PROX1: variants seen among roughly 807,000 people sequenced by gnomAD.
PROX1 encodes the protein prospero homeobox 1.
A neutral mutation model predicts 58.8 loss-of-function variants in PROX1; 7 were observed. The ratio of observed to expected loss-of-function variants is 0.12; its 90% CI spans 0.07 to 0.22. The LOEUF (loss-of-function observed/expected upper bound fraction) is 0.22, where lower values mean the gene tolerates loss of function less well. PROX1 is among the 10% of genes least tolerant of loss of function. The pLI, the probability that PROX1 is intolerant of heterozygous loss-of-function variation, is 1.00. For synonymous variants in PROX1, 350 were observed against 358.3 expected, an observed-to-expected ratio of 0.98 and a Z score of 0.26; for missense variants, 675 against 927.8, an observed-to-expected ratio of 0.73 and a Z score of 3.54.
intron 1 of PROX1, among the ~76,000 whole-genome samples, chr1:213,990,646 G>A (rs1157706070): frequency 1.4e-5 from 2 of 148,028 alleles, no homozygotes; most frequent in African/African-American, 2.5e-5. Flanking sequence ...GAGAGAGAGA[G>A]AGAGAGAACT....
rs1664816451 is a variant in PROX1, at chr1:214,035,988, C to G, written c.*154C>G. The G allele has an allele frequency of 3.2e-6, 2 of 623,008 alleles. No individual in the cohort carries two copies. The highest frequency in any genetic ancestry group is 4.9e-6 in the Non-Finnish European group (2 of 408,958). 38.6% of individuals were successfully genotyped at this position (623,008 alleles called of 1,614,324 possible). On this transcript the variant is annotated 3_prime_UTR_variant, in exon 5 of 5. Coordinates refer to ENST00000366958, the MANE Select transcript of PROX1 (RefSeq NM_001270616.2). Reference sequence around the variant, plus strand: ...GGTAATTCCTCCTCATCACGTTTCTCTCATTTTCTTTTGTTTTCCATTGCA... The same window carrying G: ...GGTAATTCCTCCTCATCACGTTTCTGTCATTTTCTTTTGTTTTCCATTGCA...
chr1:214,017,911 C>T (rs998683098), intron 4 of PROX1, among the ~76,000 whole-genome samples: 4 of 152,126 alleles, frequency 2.6e-5, no homozygotes, highest in Non-Finnish European at 5.9e-5. Flanking sequence ...TTCTCCTTGC[C>T]TTGGTTCTTT....
rs1664846475 is a variant in PROX1 at position 214,036,888 on chromosome 1, A to T, written c.*1054A>T. 1 of 151,940 alleles carries T rather than the reference A, an allele frequency of 6.6e-6. No individual in the cohort carries two copies. The highest frequency in any genetic ancestry group is 6.6e-5 in the Admixed American group (1 of 15,260). 9.4% of individuals were successfully genotyped at this position (151,940 alleles called of 1,614,324 possible). On this transcript the variant is annotated 3_prime_UTR_variant, in exon 5 of 5. Coordinates refer to ENST00000366958, the MANE Select transcript of PROX1 (RefSeq NM_001270616.2). ...GATCGTCATCTCCTAAGAGGAACACATATATTTTCACAAGCAATTCCACAC... is the reference window on the plus strand; with the variant it reads ...GATCGTCATCTCCTAAGAGGAACACTTATATTTTCACAAGCAATTCCACAC...
intron 4 of PROX1, among the ~76,000 whole-genome samples, chr1:214,032,581 A>G (rs897621173): frequency 3.9e-5 from 6 of 152,098 alleles, no homozygotes; most frequent in African/African-American, 1.4e-4. Context: ...TTTTTGGTAG[A>G]GACGGGGTTT....
At chr1:214,002,412 C>CTTTTTTTTTTTTTTTTTTTTTTTTTTTTT (rs774337530) in intron 2 of PROX1, among the ~76,000 whole-genome samples, 8 of 116,378 alleles carry the variant, frequency 6.9e-5, no homozygotes, top group East Asian at 2.5e-4. Flanking sequence ...TTTCTTTTTT[C>CTTTTTTTTTTTTTTTTTTTTTTTTTTTTT]TTTTTTTTTT....
intron 2 of PROX1, among the ~76,000 whole-genome samples, chr1:213,999,280 T>C (rs1291642333): frequency 6.6e-6 from 1 of 152,172 alleles, no homozygotes; most frequent in Non-Finnish European, 1.5e-5. Context: ...GTTGGTCTTT[T>C]GGGAGTAGTA....
At chr1:214,024,473 TC>T (rs1398906030) in intron 4 of PROX1, among the ~76,000 whole-genome samples, 1 of 152,144 alleles carries the variant, frequency 6.6e-6, no homozygotes, top group Non-Finnish European at 1.5e-5. Context: ...AGTGCCAGCA[TC>T]CCCCATGAAC....
chr1:214,005,857 A>G (rs1663689527), intron 3 of PROX1, among the ~76,000 whole-genome samples: 1 of 152,140 alleles, frequency 6.6e-6, no homozygotes, highest in Non-Finnish European at 1.5e-5. Context: ...TATTCAAATG[A>G]GGATATGAAA....
At position 214,039,841 on chromosome 1, in the gene PROX1, A is replaced by G. The variant is rs1664955074; in HGVS notation, c.*4007A>G. On this transcript the variant is annotated 3_prime_UTR_variant, in exon 5 of 5. Transcript: ENST00000366958. ...CACACACACACACACAAACACACAC[A>G]CTGTCATAAAGCTAATGATTTGGGG... is the stretch of plus-strand genomic sequence containing the variant. The G allele has an allele frequency of 6.6e-6, 1 of 151,874 alleles. No homozygotes were observed. The highest frequency in any genetic ancestry group is 1.5e-5 in the Non-Finnish European group (1 of 68,008). The allele number at this position is 151,874 out of a possible 1,614,324, so 9.4% of individuals were successfully genotyped here.
At chr1:214,009,918 CG>C (rs1213740031) in intron 3 of PROX1, among the ~76,000 whole-genome samples, 1 of 152,002 alleles carries the variant, frequency 6.6e-6, no homozygotes, top group Non-Finnish European at 1.5e-5. Flanking sequence ...TAAGCCGTCA[CG>C]GGGGCCTGTA....
At position 214,026,818 on chromosome 1, in the gene PROX1, G is replaced by A. The variant is rs115215056; in HGVS notation, c.2029-8831G>A. Among the ~76,000 whole-genome samples, 1,013 of 152,196 alleles carry A rather than the reference G, an allele frequency of 6.7e-3. 16 individuals are homozygous for A. Among genetic ancestry groups the A allele is most frequent in the African/African-American group, 0.023 (960 of 41,516 alleles). On this transcript the variant is annotated intron_variant, in intron 4 of 4. Coordinates refer to ENST00000366958, the MANE Select transcript of PROX1 (RefSeq NM_001270616.2). ...TGGCCGGTAGCAGCCCCCCAGATCC[G>A]TACACTGCAGACCAAAATTCAGCTC...
intron 2 of PROX1, among the ~76,000 whole-genome samples, chr1:214,002,247 G>T (rs1211915929): frequency 6.6e-6 from 1 of 152,056 alleles, no homozygotes; most frequent in African/African-American, 2.4e-5. Context: ...GTTTAGGTAA[G>T]GTTATATTGT....
intron 4 of PROX1, among the ~76,000 whole-genome samples, chr1:214,016,345 C>A (rs555206469): frequency 6.6e-6 from 1 of 152,116 alleles, no homozygotes; most frequent in African/African-American, 2.4e-5. Context: ...GACTTTTATT[C>A]GCATTGTCAT....
intron 4 of PROX1, among the ~76,000 whole-genome samples, chr1:214,013,251 G>C (rs1189269215): frequency 6.6e-6 from 1 of 151,958 alleles, no homozygotes; most frequent in Non-Finnish European, 1.5e-5. Context: ...AGTTGTAATA[G>C]AGCACTGGCT....
intron 4 of PROX1, among the ~76,000 whole-genome samples, chr1:214,025,663 C>CTT (rs539954941): frequency 0.013 from 1,710 of 136,504 alleles, 21 homozygotes; most frequent in Non-Finnish European, 0.021. Flanking sequence ...TCTGTGATTC[C>CTT]TTTTTTTTTT....
At chr1:214,009,835 A>C (rs1663846756) in intron 3 of PROX1, among the ~76,000 whole-genome samples, 1 of 152,126 alleles carries the variant, frequency 6.6e-6, no homozygotes. Context: ...AGCAATTTTC[A>C]TTCCCCAGTG....
At position 214,040,336 on chromosome 1, in the gene PROX1, A is replaced by G. The variant is rs759609887; in HGVS notation, c.*4502A>G. ...AGTGTCTGGACTTTGAGTCTTTTCA[A>G]CTGAGCCTTCTCTCAAATCTGACAC... On this transcript the variant is annotated 3_prime_UTR_variant, in exon 5 of 5. Coordinates refer to ENST00000366958, the MANE Select transcript of PROX1 (RefSeq NM_001270616.2). The G allele has an allele frequency of 6.6e-6, 1 of 152,190 alleles. No individual in the cohort carries two copies. Among genetic ancestry groups the G allele is most frequent in the East Asian group, 1.9e-4 (1 of 5,200 alleles). 9.4% of individuals were successfully genotyped at this position (152,190 alleles called of 1,614,324 possible). A position where few individuals can be genotyped will look rare whatever the true frequency, so the allele number is the denominator to read the frequency against.
Position 214,005,254 on chromosome 1 carries a change from C to T in PROX1, c.1815C>T (p.Thr605=), listed in dbSNP as rs1663664838. The T allele has an allele frequency of 1.2e-6, 2 of 1,612,632 alleles. No homozygotes were observed. The highest frequency in any genetic ancestry group is 1.1e-5 in the South Asian group (1 of 90,958). The part of the protein sequence containing the change: ...TRYPSSNMLK[T]YFSDVKFNRC... ...ATCCCAGCTCCAATATGCTGAAGACCTACTTCTCCGACGTAAAGGTAGGGA... is the reference window on the plus strand; with the variant it reads ...ATCCCAGCTCCAATATGCTGAAGACTTACTTCTCCGACGTAAAGGTAGGGA... The change falls in exon 3 of 5, where the codon ACC becomes ACT. Residue 605 remains threonine, a synonymous_variant. Coordinates refer to ENST00000366958, the MANE Select transcript of PROX1 (RefSeq NM_001270616.2).
rs1664852980 is a variant in PROX1 at position 214,037,111 on chromosome 1, G to A, written c.*1277G>A. The A allele has an allele frequency of 1.3e-5, 2 of 152,204 alleles. No individual in the cohort carries two copies. Among genetic ancestry groups the A allele is most frequent in the African/African-American group, 2.4e-5 (1 of 41,452 alleles). The allele number at this position is 152,204 out of a possible 1,614,324, so 9.4% of individuals were successfully genotyped here. ...TCCAGCACACATAAGAAAGCTAGCT[G>A]CTATTTTATGCTTTCTTCCATGGTT... On this transcript the variant is annotated 3_prime_UTR_variant, in exon 5 of 5. Coordinates refer to ENST00000366958, the MANE Select transcript of PROX1 (RefSeq NM_001270616.2).
Sources: gnomAD v4.1 joint callset for allele counts (sites outside exome capture counted in the v4.1 genomes callset) on GRCh38, gnomAD v4.1.1 for gene constraint, MANE v1.5 for transcripts, NCBI Gene and HGNC (gene_info 2026-07-23, HGNC 2026-07-21) for gene names.